Variants in RANBP2 observed in about 807,000 individuals in gnomAD.
The protein encoded by RANBP2 is RAN binding protein 2.
Under a neutral mutation model 303.6 loss-of-function variants are expected in RANBP2, and 57 were observed. The ratio of observed to expected loss-of-function variants is 0.19; its 90% CI spans 0.15 to 0.23. The LOEUF (loss-of-function observed/expected upper bound fraction) is 0.23. Ranked by LOEUF, RANBP2 falls within the 10% of genes least tolerant of loss-of-function variation. The probability of loss-of-function intolerance (pLI) is 1.00; values close to 1 mark genes in which losing one functional copy is unlikely to be tolerated. For synonymous variants in RANBP2, 1,167 were observed against 1,301.5 expected (o/e 0.90, Z 2.23); for missense variants, 3,138 against 3,780.8 (o/e 0.83, Z 4.46).
the RANBP2 span, among the ~76,000 whole-genome samples, chr2:108,857,453 T>C: frequency 6.6e-6 from 1 of 152,146 alleles, no homozygotes; most frequent in South Asian, 2.1e-4. Flanking sequence ...AGGTAACTTC[T>C]CCAGGGATTC....
the RANBP2 span, among the ~76,000 whole-genome samples, chr2:108,830,607 G>A: frequency 1.3e-5 from 2 of 151,674 alleles, no homozygotes; most frequent in Non-Finnish European, 2.9e-5. Context: ...AGGAGTTCAA[G>A]TCCAACCTGG....
the RANBP2 span, among the ~76,000 whole-genome samples, chr2:109,690,175 G>A: frequency 2.6e-5 from 4 of 152,264 alleles, no homozygotes; most frequent in South Asian, 2.1e-4. Flanking sequence ...ACAGCCTCAC[G>A]AGGTCCTGCT....
the RANBP2 span, chr2:109,546,293 T>C: frequency 8.1e-7 from 1 of 1,228,150 alleles, no homozygotes; most frequent in Non-Finnish European, 1.1e-6. Flanking sequence ...AGAGGCACGC[T>C]CTCCAGCTCA....
the RANBP2 span, among the ~76,000 whole-genome samples, chr2:109,578,439 C>G: frequency 6.6e-6 from 1 of 152,132 alleles, no homozygotes; most frequent in African/African-American, 2.4e-5. Context: ...GTCAATGCTT[C>G]AGGATAAAAT....
chr2:109,307,692 C>A, the RANBP2 span, among the ~76,000 whole-genome samples: 14 of 146,848 alleles, frequency 9.5e-5, no homozygotes, highest in East Asian at 4.0e-4. Flanking sequence ...TTTGCTCTTG[C>A]GATAGTTTAC....
chr2:108,745,861 T>C (rs2149193037), intron 7 of RANBP2, among the ~76,000 whole-genome samples: 1 of 152,254 alleles, frequency 6.6e-6, no homozygotes, highest in East Asian at 1.9e-4. Flanking sequence ...ATGAATGTGC[T>C]TTTAGTAGAA....
At chr2:109,135,517 T>G in the RANBP2 span, among the ~76,000 whole-genome samples, 2 of 152,252 alleles carry the variant, frequency 1.3e-5, no homozygotes, top group Non-Finnish European at 2.9e-5. Flanking sequence ...GGCTGTCGTT[T>G]CAGTGCCTGT....
the RANBP2 span, chr2:109,667,285 A>G: frequency 1.7e-5 from 12 of 712,680 alleles, no homozygotes; most frequent in East Asian, 3.2e-4. Flanking sequence ...AGCAAGCCTC[A>G]TGAAAGGAAG....
At chr2:108,728,631 GAT>G (rs1694930585) in intron 1 of RANBP2, among the ~76,000 whole-genome samples, 2 of 151,330 alleles carry the variant, frequency 1.3e-5, no homozygotes, top group African/African-American at 2.4e-5. Flanking sequence ...TGATGATGAT[GAT>G]GATGATGTTT....
At chr2:109,737,791 C>T in the RANBP2 span, among the ~76,000 whole-genome samples, 5 of 152,012 alleles carry the variant, frequency 3.3e-5, no homozygotes, top group African/African-American at 1.2e-4. Context: ...GAAATGAAGT[C>T]TCATTGCAGT....
chr2:109,031,199 C>A, the RANBP2 span, among the ~76,000 whole-genome samples: 1 of 152,096 alleles, frequency 6.6e-6, no homozygotes, highest in East Asian at 1.9e-4. Context: ...TCCTTTTCAC[C>A]GTGCTGGAGG....
the RANBP2 span, among the ~76,000 whole-genome samples, chr2:108,998,292 C>T: frequency 6.6e-6 from 1 of 152,220 alleles, no homozygotes; most frequent in African/African-American, 2.4e-5. Context: ...TCGGATAATG[C>T]TGTTTCCAGG....
At chr2:109,713,344 T>C in the RANBP2 span, among the ~76,000 whole-genome samples, 1 of 152,044 alleles carries the variant, frequency 6.6e-6, no homozygotes. Context: ...GAAGTCTAAA[T>C]ACAAACATCA....
chr2:108,887,587 C>T, the RANBP2 span, among the ~76,000 whole-genome samples: 43 of 152,118 alleles, frequency 2.8e-4, 1 homozygote, highest in African/African-American at 9.9e-4. Flanking sequence ...AGAGATTTTC[C>T]ACTTCCTTGG....
chr2:108,720,969 A>G (rs913194236), intron 1 of RANBP2, among the ~76,000 whole-genome samples: 7 of 152,100 alleles, frequency 4.6e-5, no homozygotes, highest in African/African-American at 1.7e-4. Context: ...GAGTCGCTTG[A>G]ACCCGGGAGG....
the RANBP2 span, among the ~76,000 whole-genome samples, chr2:108,969,657 A>G: frequency 5.3e-5 from 8 of 152,256 alleles, no homozygotes; most frequent in Admixed American, 5.2e-4. Context: ...CATTTAAAGA[A>G]AAGATATTTA....
the RANBP2 span, among the ~76,000 whole-genome samples, chr2:108,912,003 A>T: frequency 6.6e-6 from 1 of 152,202 alleles, no homozygotes; most frequent in African/African-American, 2.4e-5. Flanking sequence ...TGCAAATGAG[A>T]TTCATATATC....
chr2:109,593,109 G>A, the RANBP2 span: 18 of 1,596,058 alleles, frequency 1.1e-5, no homozygotes, highest in Non-Finnish European at 1.5e-5. Context: ...TGCCATGTGA[G>A]ACTGAAAGAG....
intron 25 of RANBP2, 79 bp from the exon 26 acceptor site, chr2:108,781,190 A>G (rs534832872): frequency 7.4e-7 from 1 of 1,345,060 alleles, no homozygotes; most frequent in African/African-American, 1.4e-5. Context: ...CAGGAATTAG[A>G]GGGATTGATA....
Sources: gnomAD v4.1 joint callset for allele counts (sites outside exome capture counted in the v4.1 genomes callset) on GRCh38, gnomAD v4.1.1 for gene constraint, MANE v1.5 for transcripts, NCBI Gene and HGNC (gene_info 2026-07-23, HGNC 2026-07-21) for gene names.